The following TEAD3 variants were observed in gnomAD, a reference collection of about 807,000 sequenced individuals.
The protein encoded by TEAD3 is TEA domain transcription factor 3.
Under a neutral mutation model 55.6 loss-of-function variants are expected in TEAD3, and 15 were observed. The observed-to-expected ratio is 0.27, with a 90% CI of 0.18 to 0.42. The LOEUF (loss-of-function observed/expected upper bound fraction) is 0.42. TEAD3 is among the 10% of genes least tolerant of loss of function. The probability of loss-of-function intolerance (pLI) is 1.00; values close to 1 mark genes in which losing one functional copy is unlikely to be tolerated. For synonymous variants in TEAD3, 210 were observed against 232.2 expected (o/e 0.90, Z 0.87); for missense variants, 407 against 576.8 (o/e 0.71, Z 3.01).
chr6:35,494,020 C>T (rs947943053), intron 1 of TEAD3, among the ~76,000 whole-genome samples: 1 of 152,180 alleles, frequency 6.6e-6, no homozygotes, highest in African/African-American at 2.4e-5. Flanking sequence ...CTCTTATGGA[C>T]GTGTATATCT....
Position 35,486,701 on chromosome 6 carries a change from G to C in TEAD3, c.-39C>G. 1 of 1,598,172 alleles carries C rather than the reference G, an allele frequency of 6.3e-7. No individual in the cohort carries two copies. Among genetic ancestry groups the C allele is most frequent in the Non-Finnish European group, 8.5e-7 (1 of 1,171,344 alleles). ...CTGGGCTCTGGGCCTGAGCCCACTGGGCGGCTGAGCCTGGGGGACAGACAG... is the reference window on the plus strand; with the variant it reads ...CTGGGCTCTGGGCCTGAGCCCACTGCGCGGCTGAGCCTGGGGGACAGACAG... On this transcript the variant is annotated 5_prime_UTR_variant, in exon 2 of 13. Transcript: ENST00000639578. The surrounding 1 kb of genome is among the most constrained non-coding windows in gnomAD (Gnocchi z 7.3).
Position 35,484,443 on chromosome 6 carries a change from T to A in TEAD3, c.267+117A>T. 1 of 933,792 alleles carries A rather than the reference T, an allele frequency of 1.1e-6. No homozygotes were observed. Among genetic ancestry groups the A allele is most frequent in the Non-Finnish European group, 1.7e-6 (1 of 595,760 alleles). 57.8% of individuals were successfully genotyped at this position (933,792 alleles called of 1,614,324 possible). A position where few individuals can be genotyped will look rare whatever the true frequency, so the allele number is the denominator to read the frequency against. On this transcript the variant is annotated intron_variant, in intron 3 of 12. Transcript: ENST00000639578. The surrounding 1 kb of genome is among the most constrained non-coding windows in gnomAD (Gnocchi z 5.8). ...GGGGAGTGTGATGAGGCAAGGAGGG[T>A]GGCAGTCCAGGTCAGGGGCAGCCTC...
intron 3 of TEAD3, 103 bp from the exon 4 acceptor site, chr6:35,480,477 T>G: frequency 2.3e-5 from 28 of 1,198,458 alleles, no homozygotes; most frequent in Non-Finnish European, 3.1e-5. Context: ...CTCTCATCTC[T>G]AGGGAACTAC....
intron 1 of TEAD3, among the ~76,000 whole-genome samples, chr6:35,493,725 G>A (rs936394497): frequency 5.3e-5 from 8 of 152,220 alleles, no homozygotes; most frequent in Non-Finnish European, 1.0e-4. Flanking sequence ...ACACCACAGC[G>A]TAACACATCA....
intron 5 of TEAD3, among the ~76,000 whole-genome samples, 179 bp downstream of exon 5, chr6:35,479,126 C>T (rs1225327138): frequency 2.6e-5 from 4 of 152,230 alleles, no homozygotes; most frequent in Non-Finnish European, 5.9e-5. Context: ...GATCCACCCA[C>T]CTCTGCCTCC....
intron 1 of TEAD3, among the ~76,000 whole-genome samples, chr6:35,493,002 T>C (rs1180457772): frequency 6.6e-6 from 1 of 152,088 alleles, no homozygotes; most frequent in Non-Finnish European, 1.5e-5. Context: ...CTCCTGGTAC[T>C]CTGGGTCGCC....
Position 35,488,812 on chromosome 6 carries a change from C to T in TEAD3, c.-49-2101G>A, listed in dbSNP as rs1768442025. ...GATCTCTGCTCACCGCAACCTCCAC[C>T]TCCTGGGTTCAAGCGATTCTCCTGC... On this transcript the variant is annotated intron_variant, in intron 1 of 12. Coordinates refer to ENST00000639578, the Ensembl canonical transcript of TEAD3. This position sits in a 1 kb window ranked among gnomAD's most constrained non-coding sequence, Gnocchi z 4.2. 6.6e-6 allele frequency among the ~76,000 whole-genome samples: 1 copy of T among 152,204 alleles called. No individual in the cohort carries two copies. The highest frequency in any genetic ancestry group is 1.5e-5 in the Non-Finnish European group (1 of 68,036).
rs540147242 is a variant in TEAD3 at position 35,486,835 on chromosome 6, C to T, written c.-49-124G>A. 4.8e-5 allele frequency: 32 copies of T among 660,974 alleles called. 1 individual carries two copies. The South Asian group carries it at 5.6e-4, about 12-fold the overall frequency. 40.9% of individuals were successfully genotyped at this position (660,974 alleles called of 1,614,324 possible). ...CAAGCCCACCCTAGGAGCAGGTGCT[C>T]CAGGTGGAACGGAGGTAACCAGAGG... On this transcript the variant is annotated intron_variant, in intron 1 of 12. Transcript: ENST00000639578. The surrounding 1 kb of genome is among the most constrained non-coding windows in gnomAD (Gnocchi z 7.3).
chr6:35,486,478 T>C lies in TEAD3; in HGVS notation c.185A>G (p.Asp62Gly). The change falls in exon 2 of 13, where the codon GAC becomes GGC. Residue 62 changes from aspartate to glycine, a missense_variant. By Grantham distance (94) the Asp-to-Gly change is moderately conservative (BLOSUM62 -1). Transcript: ENST00000639578. The surrounding 1 kb of genome is among the most constrained non-coding windows in gnomAD (Gnocchi z 7.3). ...GCACGCACCGTACATCTTGCCCTCG[T>C]CTGACAGGATGATCTTCCGCCGGCC... The C allele has an allele frequency of 6.2e-7, 1 of 1,613,096 alleles. No individual in the cohort carries two copies. The highest frequency in any genetic ancestry group is 1.1e-5 in the South Asian group (1 of 91,058).
intron 5 of TEAD3, among the ~76,000 whole-genome samples, chr6:35,478,877 C>CTTTTTTT (rs67071124): frequency 1.5e-4 from 16 of 106,756 alleles, no homozygotes; most frequent in East Asian, 2.5e-4. Flanking sequence ...CTCCTATTTT[C>CTTTTTTT]TTTTTTTTTT....
chr6:35,496,699 G>A lies in TEAD3; in HGVS notation c.-50+199C>T, dbSNP rs548028547. Among the ~76,000 whole-genome samples, 5 of 152,188 alleles carry A rather than the reference G, an allele frequency of 3.3e-5. No individual in the cohort carries two copies. The highest frequency in any genetic ancestry group is 1.2e-4 in the African/African-American group (5 of 41,546). ...GTCCCCGTCGCGGGGGGGTGGGGAG[G>A]GCGGGGGGCGGGGCTTCCCGGAGAG... On this transcript the variant is annotated intron_variant, in intron 1 of 12. Transcript: ENST00000639578. The surrounding 1 kb of genome is among the most constrained non-coding windows in gnomAD (Gnocchi z 4.8).
At chr6:35,489,298 G>A (rs1331600684) in intron 1 of TEAD3, among the ~76,000 whole-genome samples, 1 of 152,148 alleles carries the variant, frequency 6.6e-6, no homozygotes, top group African/African-American at 2.4e-5. Flanking sequence ...GAGAAGTTAA[G>A]CAACTTGCCT....
At chr6:35,476,561 A>C in intron 8 of TEAD3, 126 bp from the exon 9 acceptor site, 3 of 1,147,612 alleles carry the variant, frequency 2.6e-6, no homozygotes, top group South Asian at 1.4e-5. Flanking sequence ...CTCCCCTACT[A>C]TGTGTCCTTG....
Position 35,483,705 on chromosome 6 carries a change from C to T in TEAD3, c.267+855G>A, listed in dbSNP as rs576476060. On this transcript the variant is annotated intron_variant, in intron 3 of 12. Transcript: ENST00000639578. This position sits in a 1 kb window ranked among gnomAD's most constrained non-coding sequence, Gnocchi z 4.5. ...CTCCCTGCTCCATACCCTCCTGTAG[C>T]CCACCGCTGCCCCTTGGGGAACCTG... Among the ~76,000 whole-genome samples the T allele has an allele frequency of 1.3e-5, 2 of 152,242 alleles. No individual in the cohort carries two copies. Among genetic ancestry groups the T allele is most frequent in the South Asian group, 2.1e-4 (1 of 4,828 alleles).
chr6:35,495,539 G>C (rs966173975), intron 1 of TEAD3, among the ~76,000 whole-genome samples: 1 of 152,148 alleles, frequency 6.6e-6, no homozygotes. Flanking sequence ...TGTCCTGGAA[G>C]ATCTGTGCAC....
chr6:35,497,038 C>G (rs1322635711), exon 1 of TEAD3: 1 of 149,212 alleles, frequency 6.7e-6, no homozygotes, highest in Non-Finnish European at 1.5e-5. Flanking sequence ...CGGGAGGCGC[C>G]GAGCGCGGAG....
At position 35,488,567 on chromosome 6, in the gene TEAD3, A is replaced by G. The variant is rs567470143; in HGVS notation, c.-49-1856T>C. Among the ~76,000 whole-genome samples the G allele has an allele frequency of 1.3e-5, 2 of 152,162 alleles. No homozygotes were observed. Among genetic ancestry groups the G allele is most frequent in the South Asian group, 4.2e-4 (2 of 4,816 alleles). The stretch of plus-strand genomic sequence containing the variant: ...AGCCAGGGAGAGGAAGATGAATTCC[A>G]GGTCCTGCTGCTTGAGTCGGGGTGG... On this transcript the variant is annotated intron_variant, in intron 1 of 12. Coordinates refer to ENST00000639578, the Ensembl canonical transcript of TEAD3. The surrounding 1 kb of genome is among the most constrained non-coding windows in gnomAD (Gnocchi z 4.2).
At chr6:35,480,927 G>GC (rs1561804942) in intron 3 of TEAD3, among the ~76,000 whole-genome samples, 5 of 152,096 alleles carry the variant, frequency 3.3e-5, no homozygotes, top group Non-Finnish European at 4.4e-5. Flanking sequence ...TGGTGCTCCT[G>GC]TTGGCCACTA....
At chr6:35,480,269 G>A (rs1768239431) in intron 3 of TEAD3, 43 bp downstream of exon 4, 27 of 1,605,722 alleles carry the variant, frequency 1.7e-5, no homozygotes, top group Non-Finnish European at 2.3e-5. Context: ...CGTGGGTGAG[G>A]GGCCCAGGAG....
Sources: allele counts gnomAD v4.1 joint callset (sites outside exome capture counted in the v4.1 genomes callset), GRCh38; gene constraint gnomAD v4.1.1; non-coding constraint Gnocchi (gnomAD v3.1); transcripts MANE v1.5; gene names NCBI Gene and HGNC (gene_info 2026-07-23, HGNC 2026-07-21).